The following EPB42 variants were observed in gnomAD, a reference collection of about 807,000 sequenced individuals.
EPB42 encodes the protein erythrocyte membrane protein band 4.2.
A neutral mutation model predicts 76.9 loss-of-function variants in EPB42; 49 were observed. The ratio of observed to expected loss-of-function variants is 0.64; its 90% CI spans 0.51 to 0.81. EPB42 has a LOEUF of 0.81. EPB42 is among the 30% of genes least tolerant of loss of function. The probability of loss-of-function intolerance (pLI) is 0.00; values close to 1 mark genes in which losing one functional copy is unlikely to be tolerated. For missense variants in EPB42, 731 were observed against 867.6 expected, an observed-to-expected ratio of 0.84 and a Z score of 1.98; for synonymous variants, 310 against 338.4, an observed-to-expected ratio of 0.92 and a Z score of 0.92.
rs375433672 is a variant in EPB42, at chr15:43,208,646, C to T, written c.962G>A (p.Gly321Asp). ...CCCTTGGGCTTCTCACCAGATTCTGCCTCTCTGGCCTTCTCCGTTCTGAAG... is the reference window on the plus strand; with the variant it reads ...CCCTTGGGCTTCTCACCAGATTCTGTCTCTCTGGCCTTCTCCGTTCTGAAG... ...EGLQNGEGQRGRIWIFQTSTE... is the reference protein window; with the variant it reads ...EGLQNGEGQRDRIWIFQTSTE... The change falls in exon 7 of 13, where the codon GGC becomes GAC. Residue 321 changes from glycine to aspartate, a missense_variant. Gly to Asp is a moderately conservative substitution (Grantham distance 94, BLOSUM62 -1). Coordinates refer to ENST00000441366, the MANE Select transcript of EPB42 (RefSeq NM_001114134.2). 1.2e-5 allele frequency: 19 copies of T among 1,614,146 alleles called. No homozygotes were observed. The highest frequency in any genetic ancestry group is 1.5e-5 in the Non-Finnish European group (18 of 1,180,002).
chr15:43,210,612 T>A lies in EPB42; in HGVS notation c.550-173A>T, dbSNP rs938312974. On this transcript the variant is annotated intron_variant, in intron 4 of 12. Transcript: ENST00000441366. ...ATCCCTCTGAGGAGCTCTGGCTCCC[T>A]CCCCCAACCTCTCAATGGGACCTGG... 4.6e-5 allele frequency among the ~76,000 whole-genome samples: 7 copies of A among 152,026 alleles called. 1 individual carries two copies. The highest frequency in any genetic ancestry group is 4.6e-4 in the Admixed American group (7 of 15,268).
intron 6 of EPB42, among the ~76,000 whole-genome samples, 167 bp from the exon 7 acceptor site, chr15:43,208,942 A>C: frequency 6.6e-6 from 1 of 152,190 alleles, no homozygotes; most frequent in East Asian, 1.9e-4. Flanking sequence ...AAGGCTGATC[A>C]ATAAGGCACA....
intron 5 of EPB42, chr15:43,209,657 C>A: frequency 1.8e-6 from 1 of 556,026 alleles, no homozygotes; most frequent in South Asian, 3.1e-5. Context: ...GCCCAGGACC[C>A]TCCTTCTTAA....
intron 12 of EPB42, 33 bp from the exon 13 acceptor site, chr15:43,197,497 G>A: frequency 6.2e-7 from 1 of 1,612,728 alleles, no homozygotes; most frequent in Non-Finnish European, 8.5e-7. Context: ...TGCTAGTTCT[G>A]TCCCAGGTTC....
In EPB42 at chr15:43,216,471, G is replaced by A; in HGVS notation, c.11-18C>T. 1 of 1,613,502 alleles carries A rather than the reference G, an allele frequency of 6.2e-7. No homozygotes were observed. Reference sequence around the variant, plus strand: ...ACCCAGGGCTGTTGTGGGAAAGAGAGAAGTCACGGAAACTAAGTACATGTG... The same window carrying A: ...ACCCAGGGCTGTTGTGGGAAAGAGAAAAGTCACGGAAACTAAGTACATGTG... On this transcript the variant is annotated intron_variant, in intron 1 of 12. Coordinates refer to ENST00000441366, the MANE Select transcript of EPB42 (RefSeq NM_001114134.2).
At chr15:43,215,058 C>T (rs1414000684) in intron 3 of EPB42, 37 bp downstream of exon 3, 10 of 1,574,514 alleles carry the variant, frequency 6.4e-6, no homozygotes, top group Non-Finnish European at 8.7e-6. Context: ...TGTCTGGAGT[C>T]TCCATGCAGC....
chr15:43,218,296 C>T (rs1211595358), intron 1 of EPB42, among the ~76,000 whole-genome samples: 7 of 152,146 alleles, frequency 4.6e-5, no homozygotes, highest in East Asian at 3.8e-4. Context: ...TCCGAACCCA[C>T]GTAATGACCA....
At chr15:43,218,281 G>A (rs181419583) in intron 1 of EPB42, among the ~76,000 whole-genome samples, 32 of 152,220 alleles carry the variant, frequency 2.1e-4, no homozygotes, top group Admixed American at 1.5e-3. Context: ...TTGAGCCTCC[G>A]TGTATCCGAA....
chr15:43,208,747 GC>G lies in EPB42; in HGVS notation c.860del (p.Arg287ProfsTer3), dbSNP rs515726213. On this transcript the variant is annotated frameshift_variant, in exon 7 of 13. Coordinates refer to ENST00000441366, the MANE Select transcript of EPB42 (RefSeq NM_001114134.2). LOFTEE classifies it high-confidence loss of function. Reference protein sequence around the residue: ...TVLRCLGIPARVVTTFASAQG... With the variant: ...TVLRCLGIPAXVVTTFASAQG... ...GTGCTGAGGCAAACGTGGTCACCAC[GC>G]GGGCAGGGATTCCCAGGCATCGCAG... is the stretch of plus-strand genomic sequence containing the variant. 1 of 1,614,158 alleles carries G rather than the reference GC, an allele frequency of 6.2e-7. No homozygotes were observed. The highest frequency in any genetic ancestry group is 8.5e-7 in the Non-Finnish European group (1 of 1,180,036).
At chr15:43,211,701 G>A (rs1454626622) in intron 3 of EPB42, among the ~76,000 whole-genome samples, 167 bp from the exon 4 acceptor site, 2 of 152,190 alleles carry the variant, frequency 1.3e-5, no homozygotes, top group South Asian at 4.1e-4. Context: ...GCCCCCACTG[G>A]GACCCAGCCC....
chr15:43,211,135 G>A (rs1304086057), intron 4 of EPB42, among the ~76,000 whole-genome samples: 1 of 152,126 alleles, frequency 6.6e-6, no homozygotes, highest in African/African-American at 2.4e-5. Flanking sequence ...TGGCTGGAAG[G>A]GCCGTGGATG....
At chr15:43,220,683 AC>A (rs1487183125) in intron 1 of EPB42, 132 bp downstream of exon 1, 2 of 864,796 alleles carry the variant, frequency 2.3e-6, no homozygotes, top group African/African-American at 5.7e-5. Flanking sequence ...TATCACCAGT[AC>A]CCCCTCCCCC....
At chr15:43,207,115 C>T in intron 9 of EPB42, 84 bp downstream of exon 9, 1 of 1,591,894 alleles carries the variant, frequency 6.3e-7, no homozygotes, top group South Asian at 1.1e-5. Context: ...AAGTCTCTTT[C>T]TGGCTGCATC....
chr15:43,208,103 T>A lies in EPB42; in HGVS notation c.1075+127A>T, dbSNP rs112100826. On this transcript the variant is annotated intron_variant, in intron 8 of 12. Coordinates refer to ENST00000441366, the MANE Select transcript of EPB42 (RefSeq NM_001114134.2). ...GTCAGCTTTCTGCTGGCTGCTGTCA[T>A]GCCTCGTGCTTCTACTGTTTTCGAG... The A allele has an allele frequency of 3.0e-3, 2,315 of 782,630 alleles. 55 individuals are homozygous for A. In the African/African-American group the frequency reaches 0.036, roughly 12 times the overall value. The allele number at this position is 782,630 out of a possible 1,614,324, so 48.5% of individuals were successfully genotyped here.
rs113768282 is a variant in EPB42 at position 43,215,269 on chromosome 15, C to A, written c.256G>T (p.Asp86Tyr). 4.5e-4 allele frequency: 723 copies of A among 1,614,196 alleles called. 5 individuals are homozygous for A. In the African/African-American group the frequency reaches 8.9e-3, roughly 20 times the overall value. The change falls in exon 3 of 13, where the codon GAC becomes TAC. Residue 86 changes from aspartate to tyrosine, a missense_variant. Coordinates refer to ENST00000441366, the MANE Select transcript of EPB42 (RefSeq NM_001114134.2). ...ACCACTGCACTCCACCACTTTCGGT[C>A]CCCCAGACTGGAAATTGGGAATGTG... Reference protein sequence around the residue: ...QATFPISSLGDRKWWSAVVEE... With the variant: ...QATFPISSLGYRKWWSAVVEE...
intron 3 of EPB42, among the ~76,000 whole-genome samples, chr15:43,212,261 T>C (rs2042309781): frequency 6.6e-6 from 1 of 150,736 alleles, no homozygotes; most frequent in Non-Finnish European, 1.5e-5. Flanking sequence ...TCCAGCTACT[T>C]GGGAGGCTAA....
chr15:43,198,885 G>A (rs2042086805), intron 12 of EPB42, among the ~76,000 whole-genome samples: 2 of 152,234 alleles, frequency 1.3e-5, no homozygotes, highest in Admixed American at 1.3e-4. Flanking sequence ...CATACCGCTT[G>A]GGCTGTGGCT....
chr15:43,212,670 T>C (rs2042319051), intron 3 of EPB42, among the ~76,000 whole-genome samples: 1 of 151,820 alleles, frequency 6.6e-6, no homozygotes, highest in South Asian at 2.1e-4. Context: ...GCCCCGGGGG[T>C]GTCCAAGTGA....
intron 10 of EPB42, among the ~76,000 whole-genome samples, chr15:43,203,769 A>G (rs1043365562): frequency 1.3e-5 from 2 of 152,108 alleles, no homozygotes; most frequent in African/African-American, 4.8e-5. Context: ...TAGCTGTGTA[A>G]CCCTGAGTAA....
Sources: gnomAD v4.1 joint callset for allele counts (sites outside exome capture counted in the v4.1 genomes callset) on GRCh38, gnomAD v4.1.1 for gene constraint, MANE v1.5 for transcripts, NCBI Gene and HGNC (gene_info 2026-07-23, HGNC 2026-07-21) for gene names.